CCNL1: variants seen among roughly 807,000 people sequenced by gnomAD.
CCNL1 encodes the protein cyclin-L1.
A neutral mutation model predicts 60.6 loss-of-function variants in CCNL1; 13 were observed. The ratio of observed to expected loss-of-function variants is 0.21; its 90% CI spans 0.14 to 0.34. The LOEUF is 0.34. CCNL1 is among the 10% of genes least tolerant of loss of function. The pLI is 1.00. For missense variants in CCNL1, 481 were observed against 664.3 expected, an observed-to-expected ratio of 0.72 and a Z score of 3.03; for synonymous variants, 270 against 244.3, an observed-to-expected ratio of 1.10 and a Z score of -0.98.
intron 3 of CCNL1, 137 bp downstream of exon 3, chr3:157,158,729 A>G (rs1301492104): frequency 3.5e-6 from 2 of 576,060 alleles, no homozygotes; most frequent in Non-Finnish European, 3.1e-6. Context: ...GTGTTCCTAT[A>G]TGAACTTTAA....
intron 3 of CCNL1, 23 bp downstream of exon 3, chr3:157,158,843 A>G: frequency 7.0e-7 from 1 of 1,418,522 alleles, no homozygotes; most frequent in South Asian, 1.2e-5. Flanking sequence ...AAGAGATACT[A>G]TGTTCAATAA....
At chr3:157,152,263 C>A in intron 4 of CCNL1, 22 bp from the exon 5 acceptor site, 2 of 1,601,046 alleles carry the variant, frequency 1.2e-6, no homozygotes, top group Non-Finnish European at 1.7e-6. Context: ...GGGAAAAAAA[C>A]TCAATTCAGT....
At position 157,159,437 on chromosome 3, in the gene CCNL1, A is replaced by G; in HGVS notation, c.346T>C (p.Tyr116His). 6.2e-7 allele frequency: 1 copy of G among 1,614,210 alleles called. No homozygotes were observed. Among genetic ancestry groups the G allele is most frequent in the Non-Finnish European group, 8.5e-7 (1 of 1,180,014 alleles). The part of the protein sequence containing the change: ...TGQVLFHRFF[Y>H]SKSFVKHSFE... ...CTGTGTTTGACGAAAGATTTGGAGT[A>G]GAAAAAACGATGAAACAACACCTGC... Residue 116 changes from tyrosine (Y) to histidine (H), a missense_variant, in exon 2 of 11, where the codon TAC becomes CAC. Around this residue, in one of 5 missense-constraint regions of CCNL1, gnomAD observed 130 missense variants for 174.5 expected, o/e 0.75. Coordinates refer to ENST00000295926, the MANE Select transcript of CCNL1 (RefSeq NM_020307.4).
downstream of CCNL1, among the ~76,000 whole-genome samples, chr3:157,146,088 T>A (rs996659173): frequency 1.3e-5 from 2 of 152,218 alleles, no homozygotes; most frequent in East Asian, 3.8e-4. Context: ...ACTTTACTTG[T>A]ATGGGATTTT....
At chr3:157,157,151 A>T in intron 3 of CCNL1, 1 of 1,256,136 alleles carries the variant, frequency 8.0e-7, no homozygotes, top group Non-Finnish European at 1.0e-6. Flanking sequence ...GTGCTTGAGT[A>T]AACTTGTAAT....
At position 157,158,962 on chromosome 3, in the gene CCNL1, G is replaced by A; in HGVS notation, c.392C>T (p.Ala131Val). ...GATTTTTGATGCAAGATTAATACAAGCCATAGCAACAATCTGAAAGAACCC... is the reference window on the plus strand; with the variant it reads ...GATTTTTGATGCAAGATTAATACAAACCATAGCAACAATCTGAAAGAACCC... ...VKHSFEIVAM[A>V]CINLASKIEE... is the part of the protein sequence containing the mutation. The change falls in exon 3 of 11, where the codon GCT (alanine) becomes GTT (valine). Residue 131 changes from alanine to valine, a missense_variant. By Grantham distance (64) the Ala-to-Val change is moderately conservative. Transcript: ENST00000295926. 1.2e-6 allele frequency: 2 copies of A among 1,610,312 alleles called. No individual in the cohort carries two copies. The highest frequency in any genetic ancestry group is 1.7e-6 in the Non-Finnish European group (2 of 1,177,508).
intron 5 of CCNL1, 78 bp from the exon 6 acceptor site, chr3:157,150,459 T>C: frequency 1.3e-6 from 2 of 1,516,018 alleles, no homozygotes; most frequent in South Asian, 2.5e-5. Context: ...GGAGACTCAA[T>C]CTACTTTATT....
chr3:157,151,671 C>T (rs1040866549), intron 5 of CCNL1: 18 of 989,160 alleles, frequency 1.8e-5, no homozygotes, highest in Admixed American at 1.2e-4. Context: ...CAAAAATGAA[C>T]TATTCATTTT....
rs1013002590 is a variant in CCNL1 at position 157,147,648 on chromosome 3, C to T, written c.*593G>A. 1.0e-6 allele frequency: 1 copy of T among 984,538 alleles called. No homozygotes were observed. The highest frequency in any genetic ancestry group is 1.7e-5 in the African/African-American group (1 of 57,220). The allele number at this position is 984,538 out of a possible 1,614,324, so 61.0% of individuals were successfully genotyped here. On this transcript the variant is annotated 3_prime_UTR_variant, in exon 11 of 11. Coordinates refer to ENST00000295926, the MANE Select transcript of CCNL1 (RefSeq NM_020307.4). ...TATATACAGTGAAGACTTACAATAG[C>T]TCACAATGCAGTTAAGAATTGCATT...
At chr3:157,147,153 A>C (rs1737811634), downstream of CCNL1, among the ~76,000 whole-genome samples, 1 of 152,230 alleles carries the variant, frequency 6.6e-6, no homozygotes, top group Non-Finnish European at 1.5e-5. Context: ...AGCCAAGTCT[A>C]GTGGACAATT....
chr3:157,159,667 G>T (rs921128610), intron 1 of CCNL1, 125 bp downstream of exon 1: 1 of 1,085,186 alleles, frequency 9.2e-7, no homozygotes, highest in Non-Finnish European at 1.3e-6. Context: ...CCGCGGCTGG[G>T]CCCCGAACGG....
intron 3 of CCNL1, among the ~76,000 whole-genome samples, chr3:157,157,242 C>T (rs1281863604): frequency 6.6e-6 from 1 of 152,154 alleles, no homozygotes; most frequent in Non-Finnish European, 1.5e-5. Context: ...TTGCTATAAT[C>T]AGACTTCTAA....
Position 157,159,336 on chromosome 3 carries a change from C to T in CCNL1, c.378+69G>A. 1.5e-5 allele frequency: 21 copies of T among 1,434,434 alleles called. No individual in the cohort carries two copies. In the South Asian group the frequency reaches 2.5e-4, roughly 17 times the overall value. The allele number at this position is 1,434,434 out of a possible 1,614,324, so 88.9% of individuals were successfully genotyped here. A position where few individuals can be genotyped will look rare whatever the true frequency, so the allele number is the denominator to read the frequency against. On this transcript the variant is annotated intron_variant, in intron 2 of 10. Coordinates refer to ENST00000295926, the MANE Select transcript of CCNL1 (RefSeq NM_020307.4). Reference sequence around the variant, plus strand: ...ACTCCCTTTCTGGAAAAGCTGGCTGCTGACACTACCCCTACTCTGCCCATT... The same window carrying T: ...ACTCCCTTTCTGGAAAAGCTGGCTGTTGACACTACCCCTACTCTGCCCATT...
At chr3:157,145,189 C>T (rs1737743206), downstream of CCNL1, among the ~76,000 whole-genome samples, 1 of 152,042 alleles carries the variant, frequency 6.6e-6, no homozygotes, top group Non-Finnish European at 1.5e-5. Flanking sequence ...GTAATCCCAG[C>T]CCTTTGGGAG....
At chr3:157,152,923 A>C in intron 4 of CCNL1, 113 bp downstream of exon 4, 1 of 1,524,358 alleles carries the variant, frequency 6.6e-7, no homozygotes. Flanking sequence ...CTTTAAAAGA[A>C]TGCTTTTTAA....
chr3:157,148,870 A>G, intron 10 of CCNL1: 1 of 393,334 alleles, frequency 2.5e-6, no homozygotes, highest in South Asian at 5.5e-5. Context: ...CACATGTTCA[A>G]AAGACATTGA....
chr3:157,144,166 C>A (rs1442416303), downstream of CCNL1, among the ~76,000 whole-genome samples: 1 of 152,088 alleles, frequency 6.6e-6, no homozygotes, highest in East Asian at 1.9e-4. Flanking sequence ...ATCAAAGAGC[C>A]CAAGCAGTTT....
In CCNL1 at chr3:157,148,313, G is replaced by A. The variant is rs368281773; in HGVS notation, c.1509C>T (p.Arg503=). 28 of 1,614,084 alleles carry A rather than the reference G, an allele frequency of 1.7e-5. No individual in the cohort carries two copies. The highest frequency in any genetic ancestry group is 1.6e-4 in the Middle Eastern group (1 of 6,084). Residue 503 remains arginine (R), a synonymous_variant, in exon 11 of 11, where the codon CGC becomes CGT. Coordinates refer to ENST00000295926, the MANE Select transcript of CCNL1 (RefSeq NM_020307.4). The part of the protein sequence containing the change: ...GHHRDRRERS[R]SFERSHKSKH... Reference sequence around the variant, plus strand: ...TGCTTTTATGGGACCTCTCAAAGGAGCGAGATCGTTCACGCCTGTCCCTAT... The same window carrying A: ...TGCTTTTATGGGACCTCTCAAAGGAACGAGATCGTTCACGCCTGTCCCTAT...
At chr3:157,154,175 A>G (rs578219088) in intron 3 of CCNL1, 1 of 152,352 alleles carries the variant, frequency 6.6e-6, no homozygotes, top group Admixed American at 6.5e-5. Context: ...TTAAAAACTT[A>G]TAATAAAAGA....
Sources: allele counts gnomAD v4.1 joint callset (sites outside exome capture counted in the v4.1 genomes callset), GRCh38; gene constraint gnomAD v4.1.1; regional missense constraint gnomAD v4.1.1; transcripts MANE v1.5; gene names NCBI Gene and HGNC (gene_info 2026-07-23, HGNC 2026-07-21).